The following NRXN3 variants were observed in gnomAD, a reference collection of about 807,000 sequenced individuals.
The protein encoded by NRXN3 is neurexin 3.
In NRXN3, 32 loss-of-function variants were observed where a neutral mutation model predicts 137.6. The observed-to-expected ratio is 0.23, with a 90% CI of 0.18 to 0.31. The LOEUF is 0.31. NRXN3 is among the 10% of genes least tolerant of loss of function. NRXN3 has a pLI of 1.00. For missense variants in NRXN3, 1,574 were observed against 2,062.5 expected (o/e 0.76, Z 4.59); for synonymous variants, 798 against 784.5 (o/e 1.02, Z -0.29).
At chr14:79,002,282 C>G (rs1409262083) in intron 15 of NRXN3, among the ~76,000 whole-genome samples, 1 of 152,112 alleles carries the variant, frequency 6.6e-6, no homozygotes, top group Non-Finnish European at 1.5e-5. Flanking sequence ...TAAACATATA[C>G]TACGGTGGTT....
chr14:78,746,040 AC>A (rs1419468790), intron 8 of NRXN3, among the ~76,000 whole-genome samples: 1 of 152,360 alleles, frequency 6.6e-6, no homozygotes, highest in Admixed American at 6.5e-5. Context: ...ATTTATTCTT[AC>A]TTACATTAGG....
intron 10 of NRXN3, among the ~76,000 whole-genome samples, chr14:78,858,289 A>C (rs1290651105): frequency 1.3e-5 from 2 of 152,022 alleles, no homozygotes; most frequent in Non-Finnish European, 2.9e-5. Context: ...TTTAGTGACA[A>C]TCCTTGACCT....
At chr14:78,606,679 A>G (rs2097255801) in intron 4 of NRXN3, among the ~76,000 whole-genome samples, 1 of 152,176 alleles carries the variant, frequency 6.6e-6, no homozygotes, top group Admixed American at 6.5e-5. Flanking sequence ...CTGCTAGTTT[A>G]ATGCTCCAGT....
intron 4 of NRXN3, among the ~76,000 whole-genome samples, chr14:78,334,721 A>G (rs2081254953): frequency 2.0e-5 from 3 of 152,246 alleles, no homozygotes; most frequent in South Asian, 4.2e-4. Context: ...TGAAGAGGAG[A>G]GGGAAACTTT....
At chr14:78,181,259 C>T (rs963199450) in intron 1 of NRXN3, among the ~76,000 whole-genome samples, 3 of 152,312 alleles carry the variant, frequency 2.0e-5, no homozygotes, top group Admixed American at 6.5e-5. Context: ...GTCTGCAGGC[C>T]CCACCTATAG....
intron 15 of NRXN3, among the ~76,000 whole-genome samples, chr14:79,221,454 C>A (rs536042694): frequency 6.6e-6 from 1 of 152,062 alleles, no homozygotes; most frequent in Non-Finnish European, 1.5e-5. Context: ...TTCTAACTGG[C>A]GTGAGATGGT....
intron 19 of NRXN3, among the ~76,000 whole-genome samples, chr14:79,763,235 G>A (rs968351166): frequency 6.6e-6 from 1 of 151,592 alleles, no homozygotes; most frequent in Non-Finnish European, 1.5e-5. Context: ...ATTCCATGGT[G>A]TATACGTGCC....
intron 16 of NRXN3, among the ~76,000 whole-genome samples, chr14:79,626,381 T>C (rs1469508069): frequency 6.6e-6 from 1 of 151,962 alleles, no homozygotes; most frequent in Non-Finnish European, 1.5e-5. Flanking sequence ...CCTTCATTCA[T>C]TGGTTCATGT....
chr14:79,115,857 A>G (rs1038127659), intron 15 of NRXN3, among the ~76,000 whole-genome samples: 10 of 152,222 alleles, frequency 6.6e-5, no homozygotes, highest in African/African-American at 2.2e-4. Flanking sequence ...TAGTAAATCT[A>G]ATAATATCCA....
rs192698045 is a variant in NRXN3, at chr14:79,208,331, A to G, written c.3262+220190A>G. Reference sequence around the variant, plus strand: ...GAGGTAGGATTAAAGAAGTGAATTCATTCATTAGGCTCTATGCCATCATGG... The same window carrying G: ...GAGGTAGGATTAAAGAAGTGAATTCGTTCATTAGGCTCTATGCCATCATGG... On this transcript the variant is annotated intron_variant, in intron 15 of 20. Transcript: ENST00000335750. Among the ~76,000 whole-genome samples, 888 of 152,308 alleles carry G rather than the reference A, an allele frequency of 5.8e-3. 5 individuals carry two copies. Among genetic ancestry groups the G allele is most frequent in the Middle Eastern group, 0.017 (5 of 292 alleles).
chr14:78,290,642 A>G (rs2075715044), intron 3 of NRXN3, among the ~76,000 whole-genome samples: 1 of 152,174 alleles, frequency 6.6e-6, no homozygotes, highest in African/African-American at 2.4e-5. Flanking sequence ...TTGTCTCAAA[A>G]AAAAAGGGGG....
intron 16 of NRXN3, among the ~76,000 whole-genome samples, chr14:79,473,454 G>T (rs1430516612): frequency 6.6e-6 from 1 of 152,084 alleles, no homozygotes; most frequent in African/African-American, 2.4e-5. Context: ...CTCTATGTGG[G>T]ATATTTACAG....
chr14:79,571,071 A>G (rs776811361), intron 16 of NRXN3, among the ~76,000 whole-genome samples: 7 of 152,162 alleles, frequency 4.6e-5, no homozygotes, highest in Non-Finnish European at 7.4e-5. Context: ...TCAGTCTATG[A>G]CAATCCTCAT....
chr14:79,612,601 C>A (rs188094033), intron 16 of NRXN3, among the ~76,000 whole-genome samples: 1 of 152,234 alleles, frequency 6.6e-6, no homozygotes, highest in Admixed American at 6.5e-5. Flanking sequence ...GTAATCACAG[C>A]ATTTTAGGAG....
chr14:78,262,424 C>T (rs2070899460), intron 2 of NRXN3, among the ~76,000 whole-genome samples: 2 of 152,032 alleles, frequency 1.3e-5, no homozygotes, highest in African/African-American at 2.4e-5. Context: ...GGTAGAATGT[C>T]TATGTAAAGG....
At chr14:79,837,564 T>TC in intron 20 of NRXN3, among the ~76,000 whole-genome samples, 1 of 152,290 alleles carries the variant, frequency 6.6e-6, no homozygotes, top group African/African-American at 2.4e-5. Flanking sequence ...AACAGAAATA[T>TC]CCCCATCTCT....
At chr14:79,218,259 A>T (rs1531624) in intron 15 of NRXN3, among the ~76,000 whole-genome samples, 14 of 152,202 alleles carry the variant, frequency 9.2e-5, no homozygotes, top group African/African-American at 1.2e-4. Context: ...GGACAGATCC[A>T]CTATGAATTC....
intron 15 of NRXN3, among the ~76,000 whole-genome samples, chr14:79,228,661 C>T (rs933350969): frequency 6.6e-6 from 1 of 152,072 alleles, no homozygotes; most frequent in African/African-American, 2.4e-5. Flanking sequence ...ATATTTGTGC[C>T]TTGGATTCAT....
intron 19 of NRXN3, among the ~76,000 whole-genome samples, chr14:79,735,835 T>C (rs2098939956): frequency 1.3e-5 from 2 of 152,194 alleles, no homozygotes; most frequent in South Asian, 4.1e-4. Flanking sequence ...TCCTGCTCAG[T>C]TCCCTGCCCC....
Sources: gnomAD v4.1 joint callset for allele counts (sites outside exome capture counted in the v4.1 genomes callset) on GRCh38, gnomAD v4.1.1 for gene constraint, MANE v1.5 for transcripts, NCBI Gene and HGNC (gene_info 2026-07-23, HGNC 2026-07-21) for gene names.